Variants in AFF2 observed in about 807,000 individuals in gnomAD.
AFF2 encodes AF4/FMR2 family member 2.
A neutral mutation model predicts 76.9 loss-of-function variants in AFF2; 14 were observed. That is an observed-to-expected ratio of 0.18 (90% CI 0.12 to 0.28). The LOEUF (loss-of-function observed/expected upper bound fraction) is 0.28. Among genes scored for constraint, AFF2 ranks in the 10% least tolerant of loss-of-function variants. The pLI, the probability that AFF2 is intolerant of heterozygous loss-of-function variation, is 1.00. For missense variants in AFF2, 868 were observed against 1,001.1 expected (o/e 0.87, Z 1.79); for synonymous variants, 398 against 366.7 (o/e 1.09, Z -0.98).
chrX:148,896,951 G>A (rs1409707621), intron 8 of AFF2, among the ~76,000 whole-genome samples: 2 of 107,818 alleles, frequency 1.9e-5, no homozygotes, highest in African/African-American at 6.7e-5. Context: ...TTTGATTAAT[G>A]AGAAAGTAAC....
intron 9 of AFF2, among the ~76,000 whole-genome samples, chrX:148,932,071 C>T (rs1244136264): frequency 2.7e-5 from 3 of 111,956 alleles, no homozygotes; most frequent in Non-Finnish European, 5.6e-5. Flanking sequence ...TCCCTTTCCT[C>T]TCTGGGCATC....
chrX:148,885,481 C>T (rs1557278959), intron 7 of AFF2, among the ~76,000 whole-genome samples: 1 of 111,192 alleles, frequency 9.0e-6, no homozygotes, highest in African/African-American at 3.3e-5. Flanking sequence ...ACAACAGCCT[C>T]CAGAGCTAGG....
At chrX:148,529,112 G>A (rs1380577276) in intron 1 of AFF2, among the ~76,000 whole-genome samples, 1 of 111,997 alleles carries the variant, frequency 8.9e-6, no homozygotes, top group African/African-American at 3.2e-5. Flanking sequence ...TTATAAACAA[G>A]CCAGTAAAAA....
intron 1 of AFF2, among the ~76,000 whole-genome samples, chrX:148,591,547 G>A (rs899627127): frequency 3.6e-5 from 4 of 112,388 alleles, no homozygotes; most frequent in Admixed American, 9.4e-5. Flanking sequence ...AAAGTGCCAC[G>A]CATATGCTGG....
chrX:148,781,460 C>T (rs1371460534), intron 3 of AFF2, among the ~76,000 whole-genome samples: 7 of 112,373 alleles, frequency 6.2e-5, no homozygotes, highest in African/African-American at 2.3e-4. Context: ...TCTGACTATA[C>T]CGGCTTTGTG....
At chrX:148,907,293 A>G (rs782060116) in intron 9 of AFF2, among the ~76,000 whole-genome samples, 1 of 112,460 alleles carries the variant, frequency 8.9e-6, no homozygotes, top group Non-Finnish European at 1.9e-5. Flanking sequence ...GGTTTCTTCC[A>G]GGAACCTAGC....
At chrX:148,552,441 A>C (rs1349963276) in intron 1 of AFF2, among the ~76,000 whole-genome samples, 1 of 111,907 alleles carries the variant, frequency 8.9e-6, no homozygotes, top group African/African-American at 3.2e-5. Context: ...CAAGGACCTG[A>C]CTGGGGGGAA....
chrX:148,920,036 T>A (rs12013381), intron 9 of AFF2, among the ~76,000 whole-genome samples: 10,733 of 111,868 alleles, frequency 0.096, 1,238 homozygotes, highest in African/African-American at 0.33. Context: ...TCAATCACAC[T>A]GTGATGTAAA....
At chrX:148,601,163 T>C (rs1370636558) in intron 1 of AFF2, among the ~76,000 whole-genome samples, 3 of 112,690 alleles carry the variant, frequency 2.7e-5, no homozygotes, top group African/African-American at 9.7e-5. Flanking sequence ...ATTTCAATTA[T>C]AGATGTAGCA....
intron 1 of AFF2, among the ~76,000 whole-genome samples, chrX:148,642,683 G>A (rs1474188600): frequency 8.9e-6 from 1 of 112,080 alleles, no homozygotes; most frequent in Non-Finnish European, 1.9e-5. Context: ...CAAGAGCAGA[G>A]GGCCAAGCTA....
At chrX:148,873,176 T>C (rs1326528455) in intron 7 of AFF2, among the ~76,000 whole-genome samples, 1 of 111,225 alleles carries the variant, frequency 9.0e-6, no homozygotes, top group Non-Finnish European at 1.9e-5. Context: ...GTTTGGAAAT[T>C]CCAAAGTCAG....
intron 8 of AFF2, among the ~76,000 whole-genome samples, chrX:148,900,410 C>A (rs1177235216): frequency 8.9e-6 from 1 of 111,758 alleles, no homozygotes. Context: ...AGCGAGTGAG[C>A]AAATCTGAGC....
intron 3 of AFF2, among the ~76,000 whole-genome samples, chrX:148,773,081 AAAG>A (rs2069610760): frequency 9.0e-6 from 1 of 111,101 alleles, no homozygotes; most frequent in Admixed American, 9.6e-5. Flanking sequence ...TAAAGATAAA[AAAG>A]AAAGTAAAAA....
chrX:148,807,641 C>T (rs889459686), intron 3 of AFF2, among the ~76,000 whole-genome samples: 2 of 112,179 alleles, frequency 1.8e-5, no homozygotes, highest in African/African-American at 3.2e-5. Flanking sequence ...TGGGAAAAGG[C>T]GAACAAAGAC....
At chrX:148,540,287 CCTT>C (rs1217359319) in intron 1 of AFF2, among the ~76,000 whole-genome samples, 65 of 111,109 alleles carry the variant, frequency 5.9e-4, no homozygotes, top group Non-Finnish European at 1.1e-3. Context: ...AAGCACAACA[CCTT>C]CTGCATTCTT....
intron 9 of AFF2, 24 bp from the exon 10 acceptor site, chrX:148,953,556 T>C (rs1288847076): frequency 8.4e-7 from 1 of 1,189,166 alleles, no homozygotes; most frequent in African/African-American, 1.8e-5. Context: ...AATGAGGCAA[T>C]GAATTATGTT....
At chrX:148,657,596 G>C (rs1183915602) in intron 2 of AFF2, among the ~76,000 whole-genome samples, 1 of 111,904 alleles carries the variant, frequency 8.9e-6, no homozygotes, top group East Asian at 2.8e-4. Context: ...ACTTAAATGA[G>C]GGAATGCTGT....
In AFF2 at chrX:148,991,356, T is replaced by C. The variant is rs1557292252; in HGVS notation, c.*24T>C. 1 of 1,173,802 alleles carries C rather than the reference T, an allele frequency of 8.5e-7. No individual in the cohort carries two copies. Among genetic ancestry groups the C allele is most frequent in the Non-Finnish European group, 1.1e-6 (1 of 873,529 alleles). On this transcript the variant is annotated 3_prime_UTR_variant, in exon 21 of 21. Coordinates refer to ENST00000370460, the MANE Select transcript of AFF2 (RefSeq NM_002025.4). Reference sequence around the variant, plus strand: ...AGTGGGTGTTCTCAGATCTCTAGCATCACGACCCATCACTCTACCTCTACC... The same window carrying C: ...AGTGGGTGTTCTCAGATCTCTAGCACCACGACCCATCACTCTACCTCTACC...
At chrX:148,986,809 A>C (rs1219861642) in intron 19 of AFF2, among the ~76,000 whole-genome samples, 1 of 113,158 alleles carries the variant, frequency 8.8e-6, no homozygotes, top group Admixed American at 9.3e-5. Context: ...TAGAGAAATC[A>C]TCATAGCTCT....
Sources: allele counts gnomAD v4.1 joint callset (sites outside exome capture counted in the v4.1 genomes callset), GRCh38; gene constraint gnomAD v4.1.1; transcripts MANE v1.5; gene names NCBI Gene and HGNC (gene_info 2026-07-23, HGNC 2026-07-21).